Variants in UBE2N observed in about 807,000 individuals in gnomAD.
The protein encoded by UBE2N is ubiquitin-conjugating enzyme E2 N.
For missense variants in UBE2N, 60 were observed against 192.1 expected, an observed-to-expected ratio of 0.31 and a Z score of 4.07; for synonymous variants, 70 against 69.2, an observed-to-expected ratio of 1.01 and a Z score of -0.06.
intron 1 of UBE2N, among the ~76,000 whole-genome samples, chr12:93,416,954 T>A (rs1389057432): frequency 1.3e-5 from 2 of 152,074 alleles, no homozygotes; most frequent in African/African-American, 2.4e-5. Context: ...AATTTTGTGA[T>A]TCTATTATGT....
Position 93,421,693 on chromosome 12 carries a change from G to GA in UBE2N, c.31-10395dup, listed in dbSNP as rs937272415. On this transcript the variant is annotated intron_variant, in intron 1 of 3. Coordinates refer to ENST00000318066, the MANE Select transcript of UBE2N (RefSeq NM_003348.4). ...TATAGTCTTATTAAGATAAAAATAG[G>GA]AAAAAAACTGATTTGATTGAAAAAT... 1.8e-3 allele frequency among the ~76,000 whole-genome samples: 279 copies of GA among 152,018 alleles called. 2 individuals carry two copies. The highest frequency in any genetic ancestry group is 6.5e-3 in the African/African-American group (269 of 41,500).
intron 1 of UBE2N, among the ~76,000 whole-genome samples, chr12:93,437,677 T>C (rs908963963): frequency 5.3e-5 from 8 of 152,040 alleles, no homozygotes; most frequent in African/African-American, 1.9e-4. Flanking sequence ...CAGTCTCAGC[T>C]ACTTAAGAGA....
chr12:93,439,325 A>G (rs1166178128), intron 1 of UBE2N, among the ~76,000 whole-genome samples: 1 of 152,154 alleles, frequency 6.6e-6, no homozygotes, highest in East Asian at 1.9e-4. Context: ...CGTCCCTACA[A>G]AAATTAGCTG....
intron 1 of UBE2N, among the ~76,000 whole-genome samples, chr12:93,435,845 T>G (rs1420855529): frequency 1.3e-5 from 2 of 151,940 alleles, no homozygotes; most frequent in African/African-American, 4.8e-5. Flanking sequence ...AATAGAAGAG[T>G]AAATTTTTCC....
chr12:93,432,314 T>C (rs555545469), intron 1 of UBE2N, among the ~76,000 whole-genome samples: 5 of 152,046 alleles, frequency 3.3e-5, no homozygotes, highest in Non-Finnish European at 4.4e-5. Flanking sequence ...GAATGTCCAA[T>C]TAATTGAACT....
chr12:93,424,168 A>G (rs1202154478), intron 1 of UBE2N: 1 of 152,356 alleles, frequency 6.6e-6, no homozygotes, highest in Non-Finnish European at 1.5e-5. Context: ...GTTGATTTAC[A>G]GACAAATCAA....
At chr12:93,435,054 C>T (rs1039583468) in intron 1 of UBE2N, among the ~76,000 whole-genome samples, 2 of 152,160 alleles carry the variant, frequency 1.3e-5, no homozygotes, top group Non-Finnish European at 2.9e-5. Flanking sequence ...CATGAACCAC[C>T]ATACCTGGCT....
chr12:93,435,575 G>A (rs1471423052), intron 1 of UBE2N, among the ~76,000 whole-genome samples: 5 of 152,170 alleles, frequency 3.3e-5, no homozygotes, highest in East Asian at 3.8e-4. Flanking sequence ...GTAGTAAGCC[G>A]AGATTGTGCC....
Position 93,411,238 on chromosome 12 carries a change from T to C in UBE2N, c.92A>G (p.Asn31Ser). The C allele has an allele frequency of 6.2e-7, 1 of 1,614,156 alleles. No homozygotes were observed. Among genetic ancestry groups the C allele is most frequent in the Non-Finnish European group, 8.5e-7 (1 of 1,180,014 alleles). The change falls in exon 2 of 4, where the codon AAC (asparagine) becomes AGC (serine). Residue 31 changes from asparagine (N) to serine (S), a missense_variant. Coordinates refer to ENST00000318066, the MANE Select transcript of UBE2N (RefSeq NM_003348.4). ...PGIKAEPDES[N>S]ARYFHVVIAG... ...AATGACCACATGAAAATAACGGGCG[T>C]TGCTCTCATCTGGTTCGGCTTTGAT...
chr12:93,441,508 CG>C (rs10714261), intron 1 of UBE2N, among the ~76,000 whole-genome samples: 18,577 of 152,000 alleles, frequency 0.12, 3,652 homozygotes, highest in African/African-American at 0.41. Flanking sequence ...CGGCCTCCGG[CG>C]GGGGGGTGGT....
chr12:93,422,051 A>G (rs1487084256), intron 1 of UBE2N, among the ~76,000 whole-genome samples: 1 of 152,080 alleles, frequency 6.6e-6, no homozygotes, highest in Admixed American at 6.5e-5. Context: ...AGACATTTTT[A>G]AAGTTTTCTG....
At chr12:93,422,779 C>T (rs964717807) in intron 1 of UBE2N, among the ~76,000 whole-genome samples, 2 of 151,504 alleles carry the variant, frequency 1.3e-5, no homozygotes, top group Non-Finnish European at 2.9e-5. Flanking sequence ...TCATTTCAGG[C>T]CCTTATGTGT....
Position 93,441,870 on chromosome 12 carries a change from G to T in UBE2N, c.15C>A (p.Pro5=). The T allele has an allele frequency of 5.7e-6, 9 of 1,578,522 alleles. No individual in the cohort carries two copies. Among genetic ancestry groups the T allele is most frequent in the Non-Finnish European group, 7.7e-6 (9 of 1,165,036 alleles). MAGL[P]RRIIKETQRL... ...GGGCGGTTACCTTGATGATCCTGCGGGGCAGCCCGGCCATCTTGTCAGAAC... is the reference window on the plus strand; with the variant it reads ...GGGCGGTTACCTTGATGATCCTGCGTGGCAGCCCGGCCATCTTGTCAGAAC... Residue 5 remains proline, a synonymous_variant, in exon 1 of 4, where the codon CCC becomes CCA. Transcript: ENST00000318066.
intron 1 of UBE2N, among the ~76,000 whole-genome samples, chr12:93,439,195 T>C (rs1879025248): frequency 6.6e-6 from 1 of 152,182 alleles, no homozygotes; most frequent in Admixed American, 6.5e-5. Context: ...CCTTTGAAAG[T>C]CAAAGGTCAG....
At chr12:93,439,201 G>A (rs1565799769) in intron 1 of UBE2N, among the ~76,000 whole-genome samples, 1 of 152,214 alleles carries the variant, frequency 6.6e-6, no homozygotes, top group Non-Finnish European at 1.5e-5. Flanking sequence ...AAAGTCAAAG[G>A]TCAGGCGGGG....
At position 93,406,289 on chromosome 12, in the gene UBE2N, A is replaced by G. The variant is rs1170201026; in HGVS notation, c.*3750T>C. 22 of 140,646 alleles carry G rather than the reference A, an allele frequency of 1.6e-4. No individual in the cohort carries two copies. The highest frequency in any genetic ancestry group is 3.5e-4 in the Admixed American group (5 of 14,434). The allele number at this position is 140,646 out of a possible 1,614,324, so 8.7% of individuals were successfully genotyped here. Reference sequence around the variant, plus strand: ...GCTAGAGCAGCCAAAAAAAAAAAAAAAAAAAAAAAAAAAAAAGGTTCCTGA... The same window carrying G: ...GCTAGAGCAGCCAAAAAAAAAAAAAGAAAAAAAAAAAAAAAAGGTTCCTGA... On this transcript the variant is annotated 3_prime_UTR_variant, in exon 4 of 4. Coordinates refer to ENST00000318066, the MANE Select transcript of UBE2N (RefSeq NM_003348.4).
At chr12:93,430,651 G>A (rs766717432) in intron 1 of UBE2N, among the ~76,000 whole-genome samples, 2 of 151,686 alleles carry the variant, frequency 1.3e-5, no homozygotes, top group African/African-American at 2.4e-5. Flanking sequence ...AGTGGCTCAC[G>A]CCTGTAATCC....
chr12:93,416,696 C>T (rs1878221646), intron 1 of UBE2N, among the ~76,000 whole-genome samples: 1 of 151,910 alleles, frequency 6.6e-6, no homozygotes, highest in African/African-American at 2.4e-5. Flanking sequence ...CCACGCCCGG[C>T]CTTATCTATC....
At chr12:93,422,180 T>C (rs1878434799) in intron 1 of UBE2N, among the ~76,000 whole-genome samples, 1 of 152,170 alleles carries the variant, frequency 6.6e-6, no homozygotes, top group South Asian at 2.1e-4. Context: ...ACTCATGAAG[T>C]TCTTGGTGGT....
Sources: gnomAD v4.1 joint callset for allele counts (sites outside exome capture counted in the v4.1 genomes callset) on GRCh38, gnomAD v4.1.1 for gene constraint, MANE v1.5 for transcripts, NCBI Gene and HGNC (gene_info 2026-07-23, HGNC 2026-07-21) for gene names.